The following DLX4 variants were observed in gnomAD, a reference collection of about 807,000 sequenced individuals.
The protein encoded by DLX4 is homeobox protein DLX-4.
A neutral mutation model predicts 17.1 loss-of-function variants in DLX4; 13 were observed. The ratio of observed to expected loss-of-function variants is 0.76; its 90% confidence interval spans 0.49 to 1.21. The LOEUF is 1.21. DLX4 is among the 50% of genes most tolerant of loss of function. The pLI, the probability that DLX4 is intolerant of heterozygous loss-of-function variation, is 0.00. For missense variants in DLX4, 297 were observed against 301.4 expected (o/e 0.99, Z 0.11); for synonymous variants, 129 against 140.3 (o/e 0.92, Z 0.57).
chr17:49,972,914 A>G lies in DLX4; in HGVS notation c.284-159A>G. 6.9e-7 allele frequency: 1 copy of G among 1,459,376 alleles called. No homozygotes were observed. Among genetic ancestry groups the G allele is most frequent in the Non-Finnish European group, 9.1e-7 (1 of 1,102,910 alleles). The allele number at this position is 1,459,376 out of a possible 1,614,324, so 90.4% of individuals were successfully genotyped here. A position where few individuals can be genotyped will look rare whatever the true frequency, so the allele number is the denominator to read the frequency against. ...TGGGGGTTGAAACGCTCCACGCGGA[A>G]GGTAGAGGGCAGGGGCCAAGGGGGC... On this transcript the variant is annotated intron_variant, in intron 1 of 2. Transcript: ENST00000240306. The surrounding 1 kb of genome is among the most constrained non-coding windows in gnomAD (Gnocchi z 5.4).
In DLX4 at chr17:49,974,719, T is replaced by G. The variant is rs907127609; in HGVS notation, c.*776T>G. ...CCTTCTATTCCCCATCCCTAATCCCTAACGAACCCACGGGCACACACTTTT... is the reference window on the plus strand; with the variant it reads ...CCTTCTATTCCCCATCCCTAATCCCGAACGAACCCACGGGCACACACTTTT... On this transcript the variant is annotated 3_prime_UTR_variant, in exon 3 of 3. Transcript: ENST00000240306. The G allele has an allele frequency of 6.7e-6, 1 of 149,620 alleles. No individual in the cohort carries two copies. The highest frequency in any genetic ancestry group is 1.5e-5 in the Non-Finnish European group (1 of 67,416). 9.3% of individuals were successfully genotyped at this position (149,620 alleles called of 1,614,324 possible). A position where few individuals can be genotyped will look rare whatever the true frequency, so the allele number is the denominator to read the frequency against.
chr17:49,971,834 CCCGAGGCCA>C (rs1054012263), intron 1 of DLX4: 5 of 152,216 alleles, frequency 3.3e-5, no homozygotes, highest in African/African-American at 1.2e-4. Context: ...GCCCGCAGCG[CCCGAGGCCA>C]CGGGTGAGGG....
At position 49,972,817 on chromosome 17, in the gene DLX4, G is replaced by A; in HGVS notation, c.284-256G>A. 1 of 1,410,512 alleles carries A rather than the reference G, an allele frequency of 7.1e-7. No homozygotes were observed. Among genetic ancestry groups the A allele is most frequent in the Non-Finnish European group, 9.2e-7 (1 of 1,084,376 alleles). The allele number at this position is 1,410,512 out of a possible 1,614,324, so 87.4% of individuals were successfully genotyped here. A position where few individuals can be genotyped will look rare whatever the true frequency, so the allele number is the denominator to read the frequency against. On this transcript the variant is annotated intron_variant, in intron 1 of 2. Coordinates refer to ENST00000240306, the MANE Select transcript of DLX4 (RefSeq NM_138281.3). This position sits in a 1 kb window ranked among gnomAD's most constrained non-coding sequence, Gnocchi z 5.4. ...TGGCCCTCGGCGCTTTCTTCCTAGG[G>A]TCACAGGACCCATACGAGTGGGAGC...
rs764617232 is a variant in DLX4 at position 49,969,457 on chromosome 17, G to T, written c.-12G>T. 24 of 1,542,000 alleles carry T rather than the reference G, an allele frequency of 1.6e-5. No homozygotes were observed. The highest frequency in any genetic ancestry group is 7.5e-5 in the Admixed American group (4 of 53,224). The stretch of plus-strand genomic sequence containing the variant: ...GCCGGGCCATGGCCCTTCTGCCCGG[G>T]CCCTGGCCACAATGACCTCTTTGCC... On this transcript the variant is annotated 5_prime_UTR_variant, in exon 1 of 3. Transcript: ENST00000240306.
chr17:49,972,929 G>T lies in DLX4; in HGVS notation c.284-144G>T, dbSNP rs571456657. 5.7e-5 allele frequency: 84 copies of T among 1,479,948 alleles called. No homozygotes were observed. In the African/African-American group the frequency reaches 1.1e-3, roughly 20 times the overall value. The allele number at this position is 1,479,948 out of a possible 1,614,324, so 91.7% of individuals were successfully genotyped here. A position where few individuals can be genotyped will look rare whatever the true frequency, so the allele number is the denominator to read the frequency against. The stretch of plus-strand genomic sequence containing the variant: ...TCCACGCGGAAGGTAGAGGGCAGGG[G>T]CCAAGGGGGCGATCCTGGTGGCTGC... On this transcript the variant is annotated intron_variant, in intron 1 of 2. Coordinates refer to ENST00000240306, the MANE Select transcript of DLX4 (RefSeq NM_138281.3). This position sits in a 1 kb window ranked among gnomAD's most constrained non-coding sequence, Gnocchi z 5.4.
At chr17:49,973,600 TC>T in intron 2 of DLX4, 100 bp from the exon 3 acceptor site, 1 of 1,410,288 alleles carries the variant, frequency 7.1e-7, no homozygotes. Context: ...ACTGCTGGTC[TC>T]CCAGGACTGT....
chr17:49,972,600 C>G lies in DLX4; in HGVS notation c.284-473C>G. 1 of 534,188 alleles carries G rather than the reference C, an allele frequency of 1.9e-6. No individual in the cohort carries two copies. The highest frequency in any genetic ancestry group is 2.5e-6 in the Non-Finnish European group (1 of 407,288). The allele number at this position is 534,188 out of a possible 1,614,324, so 33.1% of individuals were successfully genotyped here. ...CCACCCCGCTGGCCGCAGCCGGAGG[C>G]TGCCACGCGGACACCGTCTCAAGCC... On this transcript the variant is annotated intron_variant, in intron 1 of 2. Transcript: ENST00000240306. This position sits in a 1 kb window ranked among gnomAD's most constrained non-coding sequence, Gnocchi z 5.4.
rs1567906184 is a variant in DLX4, at chr17:49,969,517, G to C, written c.49G>C (p.Val17Leu). 1.9e-6 allele frequency: 3 copies of C among 1,611,026 alleles called. No homozygotes were observed. The highest frequency in any genetic ancestry group is 1.7e-5 in the Admixed American group (1 of 59,854). ...PLPGRDASKA[V>L]FPDLAPVPSV... Reference sequence around the variant, plus strand: ...CCCCGGCCGGGACGCCTCCAAAGCTGTCTTCCCAGACCTCGCCCCTGTCCC... The same window carrying C: ...CCCCGGCCGGGACGCCTCCAAAGCTCTCTTCCCAGACCTCGCCCCTGTCCC... The change falls in exon 1 of 3, where the codon GTC becomes CTC. Residue 17 changes from valine (V) to leucine (L), a missense_variant. By Grantham distance (32) the Val-to-Leu change is conservative. Transcript: ENST00000240306.
Position 49,969,301 on chromosome 17 carries a change from T to G in DLX4, c.-168T>G. The G allele has an allele frequency of 2.7e-6, 2 of 743,570 alleles. No homozygotes were observed. Among genetic ancestry groups the G allele is most frequent in the Non-Finnish European group, 4.0e-6 (2 of 503,518 alleles). 46.1% of individuals were successfully genotyped at this position (743,570 alleles called of 1,614,324 possible). A position where few individuals can be genotyped will look rare whatever the true frequency, so the allele number is the denominator to read the frequency against. On this transcript the variant is annotated 5_prime_UTR_variant, in exon 1 of 3. Transcript: ENST00000240306. ...CCGGAACCCCTTTCCCAGGCGCGCG[T>G]TCTCCGCTGAAAGAGGCTCAGAGAG... is the stretch of plus-strand genomic sequence containing the variant.
chr17:49,969,762 C>A lies in DLX4; in HGVS notation c.283+11C>A. The A allele has an allele frequency of 6.3e-7, 1 of 1,577,866 alleles. No homozygotes were observed. Among genetic ancestry groups the A allele is most frequent in the Non-Finnish European group, 8.6e-7 (1 of 1,168,518 alleles). On this transcript the variant is annotated intron_variant, in intron 1 of 2. Transcript: ENST00000240306. ...AGGAACTCGAGGCAGGTAAGTTCGG[C>A]CGTGGAGGCTCTTCCCACCTCTGGG...
Position 49,973,772 on chromosome 17 carries a change from A to C in DLX4, c.552A>C (p.Glu184Asp). 1 of 1,567,322 alleles carries C rather than the reference A, an allele frequency of 6.4e-7. No homozygotes were observed. Among genetic ancestry groups the C allele is most frequent in the Non-Finnish European group, 8.7e-7 (1 of 1,155,840 alleles). The change falls in exon 3 of 3, where the codon GAA (glutamate) becomes GAC (aspartate). Residue 184 changes from glutamate to aspartate, a missense_variant. Coordinates refer to ENST00000240306, the MANE Select transcript of DLX4 (RefSeq NM_138281.3). ...KLLKQNSGGQ[E>D]GDFPGRTFSV... ...TGAAGCAGAATTCTGGGGGGCAGGA[A>C]GGGGACTTCCCTGGGAGGACCTTCT... is the stretch of plus-strand genomic sequence containing the variant.
chr17:49,972,391 G>T lies in DLX4; in HGVS notation c.284-682G>T, dbSNP rs559614915. 6.6e-6 allele frequency: 1 copy of T among 152,316 alleles called. No individual in the cohort carries two copies. The highest frequency in any genetic ancestry group is 1.5e-5 in the Non-Finnish European group (1 of 68,104). The allele number at this position is 152,316 out of a possible 1,614,324, so 9.4% of individuals were successfully genotyped here. ...GAAGGGGCTGCCCCACGCAGACCCG[G>T]CTTCTGGGGGTCCCTGGAAACCCAG... is the stretch of plus-strand genomic sequence containing the variant. On this transcript the variant is annotated intron_variant, in intron 1 of 2. Transcript: ENST00000240306. This position sits in a 1 kb window ranked among gnomAD's most constrained non-coding sequence, Gnocchi z 5.4.
At chr17:49,973,574 G>A (rs1435703397) in intron 2 of DLX4, 127 bp from the exon 3 acceptor site, 2 of 1,275,276 alleles carry the variant, frequency 1.6e-6, no homozygotes, top group South Asian at 1.5e-5. Flanking sequence ...TGAAGCAAAT[G>A]TTCCCAGCCT....
At position 49,972,068 on chromosome 17, in the gene DLX4, T is replaced by G. The variant is rs955597597; in HGVS notation, c.284-1005T>G. The G allele has an allele frequency of 6.6e-6, 1 of 152,086 alleles. No individual in the cohort carries two copies. The highest frequency in any genetic ancestry group is 1.5e-5 in the Non-Finnish European group (1 of 68,044). The allele number at this position is 152,086 out of a possible 1,614,324, so 9.4% of individuals were successfully genotyped here. A position where few individuals can be genotyped will look rare whatever the true frequency, so the allele number is the denominator to read the frequency against. ...ATTGCGGCTGCTCCATCCGCCCTAC[T>G]CCTCCCATTGCCTGGGACCTCTGCA... On this transcript the variant is annotated intron_variant, in intron 1 of 2. Coordinates refer to ENST00000240306, the MANE Select transcript of DLX4 (RefSeq NM_138281.3). This position sits in a 1 kb window ranked among gnomAD's most constrained non-coding sequence, Gnocchi z 5.4.
chr17:49,969,262 T>TG lies in DLX4; in HGVS notation c.-201dup, dbSNP rs71146955. 492,409 of 492,590 alleles carry TG rather than the reference T, an allele frequency of 1. 246,115 individuals carry two copies. The highest frequency in any genetic ancestry group is 1 in the Admixed American group (22,980 of 22,984). 30.5% of individuals were successfully genotyped at this position (492,590 alleles called of 1,614,324 possible). ...GATTTAGGGGGGGAGGGGAAAGTCA[T>TG]GGGGGGCACCCCCCCGGAACCCCTT... On this transcript the variant is annotated 5_prime_UTR_variant, in exon 1 of 3. An upstream open reading frame in the 5' UTR loses its in-frame stop. Coordinates refer to ENST00000240306, the MANE Select transcript of DLX4 (RefSeq NM_138281.3).
chr17:49,974,166 C>T lies in DLX4; in HGVS notation c.*223C>T, dbSNP rs574162987. The T allele has an allele frequency of 2.3e-6, 1 of 438,638 alleles. No homozygotes were observed. The highest frequency in any genetic ancestry group is 2.0e-5 in the African/African-American group (1 of 48,832). 27.2% of individuals were successfully genotyped at this position (438,638 alleles called of 1,614,324 possible). On this transcript the variant is annotated 3_prime_UTR_variant, in exon 3 of 3. Coordinates refer to ENST00000240306, the MANE Select transcript of DLX4 (RefSeq NM_138281.3). ...TATATAATCATTGTCCCCACCACTA[C>T]CATGGACTGGACACCTTCACTCCAG...
Position 49,969,586 on chromosome 17 carries a change from G to T in DLX4, c.118G>T (p.Ala40Ser), listed in dbSNP as rs370379441. 5 of 1,613,352 alleles carry T rather than the reference G, an allele frequency of 3.1e-6. No individual in the cohort carries two copies. Among genetic ancestry groups the T allele is most frequent in the Non-Finnish European group, 4.2e-6 (5 of 1,179,882 alleles). The change falls in exon 1 of 3, where the codon GCA becomes TCA. Residue 40 changes from alanine (A) to serine (S), a missense_variant. Transcript: ENST00000240306. The part of the protein sequence containing the change: ...AYPLGLSPTT[A>S]ASPNLSYSRP... ...CCCGCTTGGCTTGTCCCCTACAACCGCAGCCTCCCCCAATTTGTCCTACTC... is the reference window on the plus strand; with the variant it reads ...CCCGCTTGGCTTGTCCCCTACAACCTCAGCCTCCCCCAATTTGTCCTACTC...
In DLX4 at chr17:49,973,349, G is replaced by GGT. The variant is rs1905594216; in HGVS notation, c.480+80_480+81insGT. 4 of 1,544,226 alleles carry GGT rather than the reference G, an allele frequency of 2.6e-6. No homozygotes were observed. The African/African-American group carries it at 5.4e-5, about 21-fold the overall frequency. On this transcript the variant is annotated intron_variant, in intron 2 of 2. Coordinates refer to ENST00000240306, the MANE Select transcript of DLX4 (RefSeq NM_138281.3). The stretch of plus-strand genomic sequence containing the variant: ...TCATCCCCCAGCCCCAGCTGTGAAT[G>GGT]ACTGATGGATTGGTGCTGTGGCCCT...
At chr17:49,970,643 A>G (rs951222817) in intron 1 of DLX4, among the ~76,000 whole-genome samples, 4 of 152,132 alleles carry the variant, frequency 2.6e-5, no homozygotes, top group African/African-American at 9.7e-5. Context: ...CCACAATCCC[A>G]TCTGCACTGG....
Sources: allele counts gnomAD v4.1 joint callset (sites outside exome capture counted in the v4.1 genomes callset), GRCh38; gene constraint gnomAD v4.1.1; non-coding constraint Gnocchi (gnomAD v3.1); transcripts MANE v1.5; gene names NCBI Gene and HGNC (gene_info 2026-07-23, HGNC 2026-07-21).